Variants in PLEKHD1 observed in about 807,000 individuals in gnomAD.
PLEKHD1 encodes the protein pleckstrin homology and coiled-coil domain containing D1, also known as pleckstrin homology domain-containing family D member 1.
A neutral mutation model predicts 69.2 loss-of-function variants in PLEKHD1; 51 were observed. The ratio of observed to expected loss-of-function variants is 0.74; its 90% CI spans 0.59 to 0.93. The LOEUF (loss-of-function observed/expected upper bound fraction) is 0.93, where lower values mean the gene tolerates loss of function less well. PLEKHD1 is among the 40% of genes least tolerant of loss of function. The pLI, the probability that PLEKHD1 is intolerant of heterozygous loss-of-function variation, is 0.00. For synonymous variants in PLEKHD1, 236 were observed against 244.7 expected, an observed-to-expected ratio of 0.96 and a Z score of 0.33; for missense variants, 584 against 641.0, an observed-to-expected ratio of 0.91 and a Z score of 0.96.
At chr14:69,503,595 G>C (rs1466954931) in intron 6 of PLEKHD1, 4 of 151,380 alleles carry the variant, frequency 2.6e-5, no homozygotes, top group South Asian at 2.1e-4. Context: ...GGAGGCTGAG[G>C]CAGGAGAATG....
At position 69,530,868 on chromosome 14, in the gene PLEKHD1, A is replaced by T. The variant is rs2145946; in HGVS notation, c.*2449A>T. 105,724 of 152,074 alleles carry T rather than the reference A, an allele frequency of 0.7. 38,104 individuals carry two copies. Among genetic ancestry groups the T allele is most frequent in the Admixed American group, 0.81 (12,404 of 15,280 alleles). The allele number at this position is 152,074 out of a possible 1,614,324, so 9.4% of individuals were successfully genotyped here. A position where few individuals can be genotyped will look rare whatever the true frequency, so the allele number is the denominator to read the frequency against. ...TCATAAGGGAGAGTCTTCATGGCCA[A>T]ATCACCTCTTAAATGTTCCACCTCT... On this transcript the variant is annotated 3_prime_UTR_variant, in exon 13 of 13. Coordinates refer to ENST00000322564, the MANE Select transcript of PLEKHD1 (RefSeq NM_001161498.2).
rs1883733375 is a variant in PLEKHD1 at position 69,529,134 on chromosome 14, A to G, written c.*715A>G. On this transcript the variant is annotated 3_prime_UTR_variant, in exon 13 of 13. Coordinates refer to ENST00000322564, the MANE Select transcript of PLEKHD1 (RefSeq NM_001161498.2). ...TGGTGAGCTCACTCACAGCCTTGGC[A>G]CCCTGCAAGGGTAGAATGATGGCAC... 6.6e-6 allele frequency: 1 copy of G among 152,298 alleles called. No homozygotes were observed. Among genetic ancestry groups the G allele is most frequent in the Admixed American group, 6.5e-5 (1 of 15,290 alleles). 9.4% of individuals were successfully genotyped at this position (152,298 alleles called of 1,614,324 possible). A position where few individuals can be genotyped will look rare whatever the true frequency, so the allele number is the denominator to read the frequency against.
intron 1 of PLEKHD1, 72 bp downstream of exon 1, chr14:69,485,186 T>G: frequency 6.8e-7 from 1 of 1,472,820 alleles, no homozygotes; most frequent in Non-Finnish European, 9.1e-7. Context: ...TCCCACCCCC[T>G]CCAGTCGCCG....
At chr14:69,518,788 T>C (rs1042022972) in intron 6 of PLEKHD1, among the ~76,000 whole-genome samples, 4 of 152,100 alleles carry the variant, frequency 2.6e-5, no homozygotes, top group Non-Finnish European at 5.9e-5. Context: ...GCCGGACCCA[T>C]TGAAGGATTA....
chr14:69,520,942 G>A (rs1203972450), intron 6 of PLEKHD1, among the ~76,000 whole-genome samples: 1 of 152,106 alleles, frequency 6.6e-6, no homozygotes, highest in Non-Finnish European at 1.5e-5. Flanking sequence ...GGTGCACTGT[G>A]GCCATGTGGT....
chr14:69,471,020 T>C, the PLEKHD1 span, among the ~76,000 whole-genome samples: 1 of 149,956 alleles, frequency 6.7e-6, no homozygotes, highest in Admixed American at 6.7e-5. Context: ...CTCGATCTCC[T>C]GACCTTGTGA....
chr14:69,494,354 C>A (rs1457054088), intron 1 of PLEKHD1, among the ~76,000 whole-genome samples: 1 of 152,186 alleles, frequency 6.6e-6, no homozygotes, highest in Non-Finnish European at 1.5e-5. Flanking sequence ...AAACTTACAG[C>A]CTCTGGCCCA....
chr14:69,507,736 A>G (rs1883183427), intron 6 of PLEKHD1, among the ~76,000 whole-genome samples: 1 of 152,142 alleles, frequency 6.6e-6, no homozygotes, highest in African/African-American at 2.4e-5. Context: ...TTTTTGAGAC[A>G]GAGTCTTGCT....
At chr14:69,506,270 T>C (rs1194000984) in intron 6 of PLEKHD1, among the ~76,000 whole-genome samples, 3 of 152,186 alleles carry the variant, frequency 2.0e-5, no homozygotes, top group Admixed American at 2.0e-4. Context: ...TTTATACTCC[T>C]GCAACTTAAG....
At chr14:69,471,742 A>T in the PLEKHD1 span, among the ~76,000 whole-genome samples, 2 of 152,138 alleles carry the variant, frequency 1.3e-5, no homozygotes, top group East Asian at 3.9e-4. Context: ...AAAGGTGCCT[A>T]ACAGCAGAAG....
chr14:69,473,673 G>A, the PLEKHD1 span, among the ~76,000 whole-genome samples: 2 of 152,186 alleles, frequency 1.3e-5, no homozygotes, highest in Non-Finnish European at 2.9e-5. Context: ...GTGAGTAAAA[G>A]TTTGTGTCCC....
At chr14:69,514,247 T>A (rs1024436041) in intron 6 of PLEKHD1, among the ~76,000 whole-genome samples, 4 of 150,820 alleles carry the variant, frequency 2.7e-5, no homozygotes, top group Admixed American at 2.6e-4. Flanking sequence ...GATATTCTGC[T>A]CTGGGTTTTT....
intron 1 of PLEKHD1, among the ~76,000 whole-genome samples, chr14:69,495,293 C>T (rs1165502876): frequency 2.0e-5 from 3 of 152,176 alleles, no homozygotes; most frequent in African/African-American, 7.2e-5. Flanking sequence ...GTGGCAACAT[C>T]CCCTAATGAA....
intron 1 of PLEKHD1, among the ~76,000 whole-genome samples, chr14:69,486,859 T>C (rs1297352800): frequency 6.6e-6 from 1 of 152,150 alleles, no homozygotes; most frequent in East Asian, 1.9e-4. Context: ...GGCCCCCAGC[T>C]AAAAGCACAA....
At chr14:69,473,499 G>A in the PLEKHD1 span, among the ~76,000 whole-genome samples, 49 of 152,232 alleles carry the variant, frequency 3.2e-4, no homozygotes, top group Middle Eastern at 6.8e-3. Flanking sequence ...GTACAGGTGG[G>A]AAATTAACTG....
intron 6 of PLEKHD1, among the ~76,000 whole-genome samples, chr14:69,513,071 A>C (rs774756709): frequency 4.6e-5 from 7 of 151,122 alleles, no homozygotes; most frequent in Admixed American, 2.0e-4. Context: ...TGACAGCAAG[A>C]CCCTGGGCAT....
intron 2 of PLEKHD1, 173 bp downstream of exon 2, chr14:69,500,381 T>C (rs917410401): frequency 2.7e-5 from 19 of 701,352 alleles, no homozygotes; most frequent in Non-Finnish European, 3.5e-5. Context: ...GGACCCTCAC[T>C]CTCCTGTGCC....
intron 6 of PLEKHD1, among the ~76,000 whole-genome samples, chr14:69,506,308 G>C (rs1046660634): frequency 1.3e-5 from 2 of 152,134 alleles, no homozygotes; most frequent in Non-Finnish European, 2.9e-5. Flanking sequence ...CAGAACACAC[G>C]ATATAGTAGA....
At chr14:69,527,479 G>A in intron 11 of PLEKHD1, 147 bp downstream of exon 11, 1 of 1,215,514 alleles carries the variant, frequency 8.2e-7, no homozygotes, top group Non-Finnish European at 1.1e-6. Flanking sequence ...CCAGTTACCT[G>A]CCTGCAGGCA....
Sources: gnomAD v4.1 joint callset for allele counts (sites outside exome capture counted in the v4.1 genomes callset) on GRCh38, gnomAD v4.1.1 for gene constraint, MANE v1.5 for transcripts, NCBI Gene and HGNC (gene_info 2026-07-23, HGNC 2026-07-21) for gene names.